Variants in GALK2 observed in about 807,000 individuals in gnomAD.
The protein encoded by GALK2 is N-acetylgalactosamine kinase.
In GALK2, 36 loss-of-function variants were observed where a neutral mutation model predicts 52.4. That is an observed-to-expected ratio of 0.69 (90% CI 0.53 to 0.91). The LOEUF is 0.91. GALK2 is among the 40% of genes least tolerant of loss of function. The pLI is 0.00. For synonymous variants in GALK2, 176 were observed against 199.1 expected (o/e 0.88, Z 0.98); for missense variants, 579 against 559.1 (o/e 1.04, Z -0.36).
exon 4 of GALK2, chr15:49,367,687 TTTA>T: frequency 7.8e-7 from 1 of 1,290,318 alleles, no homozygotes; most frequent in Non-Finnish European, 1.1e-6. Flanking sequence ...TAACTTCATA[TTTA>T]GCATAAAGTT....
chr15:49,191,426 G>C (rs1271046330), intron 1 of GALK2, among the ~76,000 whole-genome samples: 1 of 152,096 alleles, frequency 6.6e-6, no homozygotes, highest in Non-Finnish European at 1.5e-5. Context: ...GGTTTGGTCT[G>C]TTGGGTCTAG....
At chr15:49,286,662 A>T (rs992938926) in intron 7 of GALK2, among the ~76,000 whole-genome samples, 1 of 152,210 alleles carries the variant, frequency 6.6e-6, no homozygotes, top group Non-Finnish European at 1.5e-5. Context: ...TGAACTCTTC[A>T]TAGTATTTGA....
chr15:49,357,818 C>A (rs1008311291), intron 3 of GALK2, among the ~76,000 whole-genome samples: 1 of 152,068 alleles, frequency 6.6e-6, no homozygotes, highest in Non-Finnish European at 1.5e-5. Context: ...CCTTGATGAA[C>A]ATTGATGCAA....
At chr15:49,201,963 T>C (rs2087818369) in intron 2 of GALK2, among the ~76,000 whole-genome samples, 1 of 152,202 alleles carries the variant, frequency 6.6e-6, no homozygotes, top group Admixed American at 6.6e-5. Flanking sequence ...AGAAGTTCAA[T>C]ATCATGGTAC....
intron 3 of GALK2, among the ~76,000 whole-genome samples, chr15:49,229,813 A>G (rs1029049008): frequency 2.0e-5 from 3 of 152,076 alleles, no homozygotes; most frequent in African/African-American, 7.2e-5. Context: ...GCTGGGGAGC[A>G]TGCACTTTGG....
chr15:49,174,884 G>GA (rs1176363438), intron 1 of GALK2, among the ~76,000 whole-genome samples: 2 of 152,186 alleles, frequency 1.3e-5, no homozygotes, highest in African/African-American at 4.8e-5. Flanking sequence ...AGAATGGTGA[G>GA]ATAGTAGAAA....
chr15:49,225,924 A>C (rs1340529076), intron 3 of GALK2, among the ~76,000 whole-genome samples: 2 of 152,224 alleles, frequency 1.3e-5, no homozygotes, highest in Non-Finnish European at 2.9e-5. Flanking sequence ...TGGAGGCTGC[A>C]CTGTACTCAT....
chr15:49,357,682 C>G lies in GALK2; in HGVS notation c.427-9809C>G, dbSNP rs200717562. Reference sequence around the variant, plus strand: ...GTACAAGGAGGAACTGGTACCATTCCTTCTGAAACTATTCCAATCAATAGA... The same window carrying G: ...GTACAAGGAGGAACTGGTACCATTCGTTCTGAAACTATTCCAATCAATAGA... On this transcript the variant is annotated intron_variant, in intron 3 of 3. Transcript: ENST00000558399. 6.1e-4 allele frequency among the ~76,000 whole-genome samples: 92 copies of G among 151,856 alleles called. No individual in the cohort carries two copies. The East Asian group carries it at 0.012, about 20-fold the overall frequency.
Position 49,283,734 on chromosome 15 carries a change from G to T in GALK2, c.756+16G>T, listed in dbSNP as rs941978063. 5.0e-6 allele frequency: 8 copies of T among 1,610,728 alleles called. No homozygotes were observed. The highest frequency in any genetic ancestry group is 1.6e-4 in the Middle Eastern group (1 of 6,076). ...GGCTGCGAAGGTATGAACTTGGCAG[G>T]CTAGTGAAACTTGAAGTAGGGTTTT... On this transcript the variant is annotated intron_variant, in intron 7 of 9. Transcript: ENST00000560031.
chr15:49,246,721 G>A (rs2091369145), intron 5 of GALK2, among the ~76,000 whole-genome samples: 1 of 152,170 alleles, frequency 6.6e-6, no homozygotes, highest in South Asian at 2.1e-4. Context: ...GAATCTCTTA[G>A]ATGGCATCAA....
At chr15:49,190,741 C>T (rs1231229169) in intron 1 of GALK2, among the ~76,000 whole-genome samples, 1 of 152,204 alleles carries the variant, frequency 6.6e-6, no homozygotes, top group East Asian at 1.9e-4. Flanking sequence ...AGCCGTACTT[C>T]AACCAGTCAT....
intron 1 of GALK2, among the ~76,000 whole-genome samples, chr15:49,178,202 T>TAC (rs1299586663): frequency 9.2e-6 from 1 of 108,574 alleles, no homozygotes; most frequent in East Asian, 3.1e-4. Flanking sequence ...ATACTATATA[T>TAC]ATATATATAT....
At chr15:49,258,344 A>C (rs936138905) in intron 5 of GALK2, among the ~76,000 whole-genome samples, 1 of 152,070 alleles carries the variant, frequency 6.6e-6, no homozygotes, top group African/African-American at 2.4e-5. Flanking sequence ...GGGTATTAGT[A>C]TATTTTAAGG....
chr15:49,270,872 C>G (rs2030438003), intron 5 of GALK2, among the ~76,000 whole-genome samples: 1 of 152,038 alleles, frequency 6.6e-6, no homozygotes, highest in African/African-American at 2.4e-5. Flanking sequence ...ATCGAATGCC[C>G]CTCTCTTCTT....
intron 1 of GALK2, 47 bp downstream of exon 1, chr15:49,170,422 C>G (rs370897262): frequency 1.3e-6 from 2 of 1,548,298 alleles, no homozygotes; most frequent in African/African-American, 2.7e-5. Context: ...GGGTTGGCTA[C>G]GTGTAGATCG....
chr15:49,292,145 C>G (rs770436350), intron 7 of GALK2, among the ~76,000 whole-genome samples, 182 bp from the exon 8 acceptor site: 1 of 152,020 alleles, frequency 6.6e-6, no homozygotes, highest in African/African-American at 2.4e-5. Context: ...GTAATACAGA[C>G]ATGTTTAATT....
rs973502391 is a variant in GALK2, at chr15:49,184,009, C to T, written c.53+13634C>T. Among the ~76,000 whole-genome samples, 6 of 152,110 alleles carry T rather than the reference C, an allele frequency of 3.9e-5. No homozygotes were observed. The East Asian group carries it at 7.7e-4, about 20-fold the overall frequency. ...ATTTGTTATAGTGCAGATTACGTCT[C>T]ATGTTTCTTTGTTGATTTTCTGTCT... On this transcript the variant is annotated intron_variant, in intron 1 of 9. Coordinates refer to ENST00000560031, the MANE Select transcript of GALK2 (RefSeq NM_002044.4).
chr15:49,264,504 C>G (rs1183279519), intron 5 of GALK2, among the ~76,000 whole-genome samples: 1 of 152,158 alleles, frequency 6.6e-6, no homozygotes, highest in Non-Finnish European at 1.5e-5. Context: ...ACTTCTTTGC[C>G]TTTGGTTTGA....
At chr15:49,196,122 G>A (rs2087210033) in intron 1 of GALK2, among the ~76,000 whole-genome samples, 1 of 151,704 alleles carries the variant, frequency 6.6e-6, no homozygotes, top group African/African-American at 2.4e-5. Flanking sequence ...GAATTTTTAG[G>A]TCTGCTGTTT....
Sources: gnomAD v4.1 joint callset for allele counts (sites outside exome capture counted in the v4.1 genomes callset) on GRCh38, gnomAD v4.1.1 for gene constraint, MANE v1.5 for transcripts, NCBI Gene and HGNC (gene_info 2026-07-23, HGNC 2026-07-21) for gene names.